The following SEMA4A variants were observed in gnomAD, a reference collection of about 807,000 sequenced individuals.
SEMA4A encodes the protein semaphorin 4A.
SEMA4A carries 52 observed loss-of-function variants against 72.5 expected under a neutral mutation model. That is an observed-to-expected ratio of 0.72 (90% CI 0.57 to 0.90). The LOEUF is 0.90. SEMA4A is among the 40% of genes least tolerant of loss of function. The pLI is 0.00. For synonymous variants in SEMA4A, 369 were observed against 393.1 expected (o/e 0.94, Z 0.73); for missense variants, 926 against 959.7 (o/e 0.96, Z 0.46).
At chr1:156,158,660 C>T (rs1572394542) in intron 5 of SEMA4A, 59 bp from the exon 6 acceptor site, 2 of 1,454,122 alleles carry the variant, frequency 1.4e-6, no homozygotes, top group Non-Finnish European at 1.9e-6. Flanking sequence ...CCTCAAGCCC[C>T]TCATTTCCCA....
At chr1:156,172,350 A>G (rs1443315321) in intron 10 of SEMA4A, among the ~76,000 whole-genome samples, 1 of 151,666 alleles carries the variant, frequency 6.6e-6, no homozygotes, top group Non-Finnish European at 1.5e-5. Flanking sequence ...TCCTGACCTC[A>G]GGTGATCCAC....
At chr1:156,173,861 G>A (rs1028839235) in intron 11 of SEMA4A, among the ~76,000 whole-genome samples, 3 of 152,168 alleles carry the variant, frequency 2.0e-5, no homozygotes, top group Non-Finnish European at 4.4e-5. Context: ...TGTAATCCCA[G>A]CACTTTGGGA....
At chr1:156,151,566 C>T (rs1652532804), upstream of SEMA4A, among the ~76,000 whole-genome samples, 1 of 152,190 alleles carries the variant, frequency 6.6e-6, no homozygotes, top group African/African-American at 2.4e-5. Flanking sequence ...GGCACAGTGT[C>T]TCACGCCTGT....
intron 10 of SEMA4A, among the ~76,000 whole-genome samples, chr1:156,171,526 C>T (rs1654772567): frequency 6.6e-6 from 1 of 152,164 alleles, no homozygotes; most frequent in African/African-American, 2.4e-5. Flanking sequence ...CAACTGTGTG[C>T]CAGATCCTGT....
At chr1:156,158,002 G>A (rs777000747) in intron 3 of SEMA4A, 68 bp from the exon 4 acceptor site, 9 of 1,494,322 alleles carry the variant, frequency 6.0e-6, no homozygotes, top group Non-Finnish European at 8.4e-6. Context: ...AGAGAAGGGA[G>A]GCAGGTCACA....
rs1655462853 is a variant in SEMA4A at position 156,177,509 on chromosome 1, T to G, written c.*512T>G. On this transcript the variant is annotated 3_prime_UTR_variant, in exon 15 of 15. Coordinates refer to ENST00000368285, the MANE Select transcript of SEMA4A (RefSeq NM_022367.4). ...TCCCTCCTGCTTCCCTTACCAGTCG[T>G]GCACCGCTGACTCCCAGGAAGTCTT... The G allele has an allele frequency of 4.8e-6, 1 of 207,368 alleles. No individual in the cohort carries two copies. The highest frequency in any genetic ancestry group is 2.3e-5 in the African/African-American group (1 of 43,326). The allele number at this position is 207,368 out of a possible 1,614,324, so 12.8% of individuals were successfully genotyped here.
At chr1:156,160,003 T>C (rs539134688) in intron 6 of SEMA4A, among the ~76,000 whole-genome samples, 1 of 151,814 alleles carries the variant, frequency 6.6e-6, no homozygotes, top group African/African-American at 2.4e-5. Context: ...CCCACCTGCC[T>C]TCCTGGAGGA....
intron 8 of SEMA4A, 72 bp from the exon 9 acceptor site, chr1:156,161,274 G>A: frequency 2.1e-6 from 2 of 939,378 alleles, no homozygotes; most frequent in Non-Finnish European, 3.0e-6. Flanking sequence ...GAGCTGCGGG[G>A]GGCGGGGAGG....
Position 156,174,888 on chromosome 1 carries a change from A to G in SEMA4A, c.1382A>G (p.Gln461Arg), listed in dbSNP as rs1175809284. 2 of 1,614,194 alleles carry G rather than the reference A, an allele frequency of 1.2e-6. No individual in the cohort carries two copies. The highest frequency in any genetic ancestry group is 2.2e-5 in the South Asian group (2 of 91,086). ...AGTGCTCATCTGGTGGAAGAGATTC[A>G]GCTGTTCCCTGACCCTGAACCTGTT... The part of the protein sequence containing the change: ...DSSAHLVEEI[Q>R]LFPDPEPVRN... The change falls in exon 12 of 15, where the codon CAG becomes CGG. Residue 461 changes from glutamine (Q) to arginine (R), a missense_variant. Transcript: ENST00000368285.
Position 156,161,511 on chromosome 1 carries a change from T to C in SEMA4A, c.976T>C (p.Ser326Pro). 6.2e-7 allele frequency: 1 copy of C among 1,613,834 alleles called. No individual in the cohort carries two copies. The highest frequency in any genetic ancestry group is 1.1e-5 in the South Asian group (1 of 91,018). Residue 326 changes from serine to proline, a missense_variant, in exon 9 of 15, where the codon TCC becomes CCC. Coordinates refer to ENST00000368285, the MANE Select transcript of SEMA4A (RefSeq NM_022367.4). ...TCCCCACATCTACGCAGTCTTCACC[T>C]CCCAGTGGTGAGCAGCAGGGCTGGA... The part of the protein sequence containing the change: ...TAPHIYAVFT[S>P]QWQVGGTRSS...
upstream of SEMA4A, among the ~76,000 whole-genome samples, chr1:156,151,943 C>T (rs1652571047): frequency 6.6e-6 from 1 of 151,848 alleles, no homozygotes; most frequent in Non-Finnish European, 1.5e-5. Flanking sequence ...ATTTCTTAGC[C>T]TAGAGTAGAT....
In SEMA4A at chr1:156,161,503, T is replaced by C; in HGVS notation, c.968T>C (p.Val323Ala). Residue 323 changes from valine (V) to alanine (A), a missense_variant, in exon 9 of 15, where the codon GTC becomes GCC. Physicochemically the swap from Val to Ala is moderately conservative, Grantham distance 64. Coordinates refer to ENST00000368285, the MANE Select transcript of SEMA4A (RefSeq NM_022367.4). ...DSPTAPHIYA[V>A]FTSQWQVGGT... is the part of the protein sequence containing the mutation. ...CCCACAGCTCCCCACATCTACGCAG[T>C]CTTCACCTCCCAGTGGTGAGCAGCA... 6.2e-7 allele frequency: 1 copy of C among 1,613,976 alleles called. No homozygotes were observed. Among genetic ancestry groups the C allele is most frequent in the Non-Finnish European group, 8.5e-7 (1 of 1,179,962 alleles).
At chr1:156,175,466 T>G in intron 13 of SEMA4A, 90 bp from the exon 14 acceptor site, 3 of 1,189,088 alleles carry the variant, frequency 2.5e-6, no homozygotes, top group Non-Finnish European at 3.7e-6. Flanking sequence ...CTGGCCTACC[T>G]TCTTCCCTAC....
upstream of SEMA4A, among the ~76,000 whole-genome samples, chr1:156,152,529 C>A (rs1652621523): frequency 6.6e-6 from 1 of 152,158 alleles, no homozygotes; most frequent in Non-Finnish European, 1.5e-5. Flanking sequence ...TTCTAAGAAA[C>A]TGGAAGGGAC....
upstream of SEMA4A, chr1:156,153,297 AAT>A (rs1652695654): frequency 6.6e-6 from 1 of 152,180 alleles, no homozygotes; most frequent in Non-Finnish European, 1.5e-5. Flanking sequence ...TGAAAAGAAG[AAT>A]ATGTCATGTC....
intron 10 of SEMA4A, 97 bp from the exon 11 acceptor site, chr1:156,172,729 A>G (rs1392697827): frequency 8.6e-7 from 1 of 1,159,100 alleles, no homozygotes; most frequent in Admixed American, 1.7e-5. Context: ...GAGGACTGCC[A>G]TGAGGGAGGG....
intron 10 of SEMA4A, among the ~76,000 whole-genome samples, chr1:156,170,186 A>C (rs1477963097): frequency 6.6e-6 from 1 of 151,626 alleles, no homozygotes. Context: ...AGCTGGGTCC[A>C]GGCGTGGTGG....
intron 10 of SEMA4A, among the ~76,000 whole-genome samples, chr1:156,169,101 T>C (rs749429398): frequency 6.6e-6 from 1 of 152,212 alleles, no homozygotes; most frequent in Admixed American, 6.5e-5. Context: ...CTGTGGAGTT[T>C]GGAGAGTACC....
rs1338290762 is a variant in SEMA4A at position 156,162,952 on chromosome 1, G to T, written c.992G>T (p.Gly331Val). 6 of 1,613,744 alleles carry T rather than the reference G, an allele frequency of 3.7e-6. No homozygotes were observed. Among genetic ancestry groups the T allele is most frequent in the Non-Finnish European group, 5.1e-6 (6 of 1,180,038 alleles). The change falls in exon 10 of 15, where the codon GGC (glycine) becomes GTC (valine). Residue 331 changes from glycine (G) to valine (V), a missense_variant. Transcript: ENST00000368285. ...YAVFTSQWQV[G>V]GTRSSAVCAF... ...CCTCTGGCTGTCTCCAGGCAGGTTG[G>T]CGGGACCAGGAGCTCTGCGGTTTGT...
Sources: gnomAD v4.1 joint callset for allele counts (sites outside exome capture counted in the v4.1 genomes callset) on GRCh38, gnomAD v4.1.1 for gene constraint, MANE v1.5 for transcripts, NCBI Gene and HGNC (gene_info 2026-07-23, HGNC 2026-07-21) for gene names.